Variants in CLIC5 observed in about 807,000 individuals in gnomAD.
CLIC5 encodes the protein chloride intracellular channel protein 5.
In CLIC5, 20 loss-of-function variants were observed where a neutral mutation model predicts 24.7. The ratio of observed to expected loss-of-function variants is 0.81; its 90% confidence interval spans 0.57 to 1.18. The LOEUF (loss-of-function observed/expected upper bound fraction) is 1.18, where lower values mean the gene tolerates loss of function less well. CLIC5 is among the 50% of genes most tolerant of loss of function. The pLI is 0.00. For missense variants in CLIC5, 341 were observed against 326.1 expected (o/e 1.05, Z -0.35); for synonymous variants, 159 against 135.6 (o/e 1.17, Z -1.20).
intron 1 of CLIC5, among the ~76,000 whole-genome samples, chr6:45,963,371 C>T (rs1046779348): frequency 2.6e-5 from 4 of 152,168 alleles, no homozygotes; most frequent in African/African-American, 9.7e-5. Flanking sequence ...TGGTTTAATG[C>T]TCTGCTGTTG....
At chr6:45,982,864 T>G (rs1299162111) in intron 1 of CLIC5, among the ~76,000 whole-genome samples, 1 of 152,206 alleles carries the variant, frequency 6.6e-6, no homozygotes, top group Non-Finnish European at 1.5e-5. Context: ...CTGACACTTT[T>G]ATCTCTTTTC....
intron 1 of CLIC5, among the ~76,000 whole-genome samples, chr6:45,959,359 T>C (rs1369566181): frequency 6.6e-6 from 1 of 152,204 alleles, no homozygotes; most frequent in Admixed American, 6.5e-5. Context: ...TCTATTAACA[T>C]ACACAACATC....
intron 1 of CLIC5, among the ~76,000 whole-genome samples, chr6:46,009,357 G>A (rs906353139): frequency 2.6e-5 from 4 of 152,082 alleles, no homozygotes; most frequent in Admixed American, 2.0e-4. Context: ...GAAAAGACAC[G>A]TTTCCAAAGC....
At chr6:45,967,986 C>T (rs1474610898) in intron 1 of CLIC5, among the ~76,000 whole-genome samples, 4 of 152,210 alleles carry the variant, frequency 2.6e-5, no homozygotes, top group Non-Finnish European at 5.9e-5. Context: ...CGGGGACACA[C>T]ATTCAAACCA....
chr6:46,018,014 C>G (rs1162050727), upstream of CLIC5, among the ~76,000 whole-genome samples: 2 of 152,112 alleles, frequency 1.3e-5, no homozygotes, highest in Admixed American at 6.5e-5. Flanking sequence ...ATCACCAAAG[C>G]CTTTAGAGAA....
At chr6:46,047,338 A>T (rs569875335) in intron 1 of CLIC5, among the ~76,000 whole-genome samples, 1 of 152,238 alleles carries the variant, frequency 6.6e-6, no homozygotes, top group Non-Finnish European at 1.5e-5. Context: ...CTTGATGCCC[A>T]TTGTGCTGAC....
chr6:46,049,960 G>A (rs1235039220), intron 1 of CLIC5, among the ~76,000 whole-genome samples: 1 of 152,164 alleles, frequency 6.6e-6, no homozygotes, highest in Admixed American at 6.5e-5. Flanking sequence ...TGTTTCTCAA[G>A]TTTCTTTAGC....
chr6:45,932,021 C>T (rs1763756967), intron 4 of CLIC5, among the ~76,000 whole-genome samples: 1 of 152,212 alleles, frequency 6.6e-6, no homozygotes. Flanking sequence ...TTCCTGCCTC[C>T]AAAGATCCAG....
At chr6:46,116,949 T>C in the CLIC5 span, among the ~76,000 whole-genome samples, 2 of 152,208 alleles carry the variant, frequency 1.3e-5, no homozygotes, top group Non-Finnish European at 2.9e-5. Context: ...ATAAAGGGCA[T>C]GCTTATTTAC....
intron 4 of CLIC5, among the ~76,000 whole-genome samples, chr6:45,918,172 ACAAT>A (rs1763105358): frequency 6.6e-6 from 1 of 152,220 alleles, no homozygotes; most frequent in Admixed American, 6.5e-5. Context: ...CCATATGCAA[ACAAT>A]CTTAGATTTA....
intron 1 of CLIC5, among the ~76,000 whole-genome samples, chr6:45,974,493 GTGTGTATATA>G (rs1296299842): frequency 6.6e-4 from 56 of 85,410 alleles, no homozygotes; most frequent in Non-Finnish European, 8.6e-4. Context: ...CTGTGTGTGT[GTGTGTATATA>G]TATATATATA....
the CLIC5 span, among the ~76,000 whole-genome samples, chr6:46,121,418 G>T: frequency 6.6e-6 from 1 of 152,238 alleles, no homozygotes; most frequent in East Asian, 1.9e-4. Context: ...CCCTAAAAGA[G>T]CTCCTGAAGG....
At chr6:45,892,617 T>C (rs1762363184) in intron 6 of CLIC5, among the ~76,000 whole-genome samples, 1 of 152,234 alleles carries the variant, frequency 6.6e-6, no homozygotes, top group African/African-American at 2.4e-5. Flanking sequence ...CAACCATGTG[T>C]TTTATCTGGT....
At chr6:45,920,620 A>T (rs1763219741) in intron 4 of CLIC5, 1 of 911,732 alleles carries the variant, frequency 1.1e-6, no homozygotes, top group Non-Finnish European at 1.3e-6. Context: ...TGGAAACAAA[A>T]AATAATAATA....
At chr6:46,062,317 C>T (rs192870463) in intron 1 of CLIC5, among the ~76,000 whole-genome samples, 28 of 152,316 alleles carry the variant, frequency 1.8e-4, no homozygotes, top group Non-Finnish European at 4.1e-4. Context: ...CAACTTTTAA[C>T]AAAAGGCATT....
chr6:45,918,114 A>G (rs1293499852), intron 4 of CLIC5, among the ~76,000 whole-genome samples: 3 of 152,204 alleles, frequency 2.0e-5, no homozygotes, highest in Non-Finnish European at 2.9e-5. Flanking sequence ...TGCACTGGGT[A>G]AAATATGTGA....
At chr6:45,938,967 A>G (rs965193460) in intron 4 of CLIC5, among the ~76,000 whole-genome samples, 1 of 152,176 alleles carries the variant, frequency 6.6e-6, no homozygotes, top group East Asian at 1.9e-4. Context: ...CTTCTTTCCC[A>G]CAATGGCTCT....
At chr6:46,097,489 G>A in the CLIC5 span, 73 of 152,398 alleles carry the variant, frequency 4.8e-4, no homozygotes, top group African/African-American at 1.6e-3. Flanking sequence ...CAGGGAAAAA[G>A]CTGTGTTCAG....
At chr6:46,046,842 C>G (rs1767967145) in intron 1 of CLIC5, among the ~76,000 whole-genome samples, 1 of 152,158 alleles carries the variant, frequency 6.6e-6, no homozygotes, top group South Asian at 2.1e-4. Flanking sequence ...ATGGCTCAAC[C>G]ATCATTGATT....
Sources: gnomAD v4.1 joint callset for allele counts (sites outside exome capture counted in the v4.1 genomes callset) on GRCh38, gnomAD v4.1.1 for gene constraint, MANE v1.5 for transcripts, NCBI Gene and HGNC (gene_info 2026-07-23, HGNC 2026-07-21) for gene names.